Variants in GNPAT observed in about 807,000 individuals in gnomAD.
GNPAT encodes the protein glyceronephosphate O-acyltransferase.
Under a neutral mutation model 78.4 loss-of-function variants are expected in GNPAT, and 30 were observed. The observed-to-expected ratio is 0.38, with a 90% CI of 0.29 to 0.52. The LOEUF (loss-of-function observed/expected upper bound fraction) is 0.52, where lower values mean the gene tolerates loss of function less well. GNPAT is among the 20% of genes least tolerant of loss of function. The probability of loss-of-function intolerance (pLI) is 0.84; values close to 1 mark genes in which losing one functional copy is unlikely to be tolerated. For missense variants in GNPAT, 714 were observed against 812.2 expected, an observed-to-expected ratio of 0.88 and a Z score of 1.47; for synonymous variants, 271 against 281.1, an observed-to-expected ratio of 0.96 and a Z score of 0.36.
chr1:231,265,502 T>C (rs889266842), intron 5 of GNPAT, 82 bp downstream of exon 5: 14 of 1,195,942 alleles, frequency 1.2e-5, no homozygotes, highest in Non-Finnish European at 1.6e-5. Context: ...AACTTCTGAA[T>C]AGAACACTTA....
rs1685542710 is a variant in GNPAT, at chr1:231,270,843, G to A, written c.1365G>A (p.Leu455=). The A allele has an allele frequency of 6.2e-7, 1 of 1,614,036 alleles. No individual in the cohort carries two copies. Among genetic ancestry groups the A allele is most frequent in the African/African-American group, 1.3e-5 (1 of 74,922 alleles). Residue 455 remains leucine, a synonymous_variant, in exon 10 of 16, where the codon CTG becomes CTA. Transcript: ENST00000366647. ...IASLVKDQVI[L]KVDSGDSEVV... Reference sequence around the variant, plus strand: ...GCCTTGTCAAAGACCAGGTGATTCTGAAAGTGGACTCCGGAGACTCGGAAG... The same window carrying A: ...GCCTTGTCAAAGACCAGGTGATTCTAAAAGTGGACTCCGGAGACTCGGAAG...
Position 231,265,873 on chromosome 1 carries a change from T to A in GNPAT, c.772+86T>A, listed in dbSNP as rs560927431. ...ACTTGACGCTTTATTTAACAAGATA[T>A]TCTTTTCAAGTGTAAATGTATAACT... On this transcript the variant is annotated intron_variant, in intron 6 of 15. Coordinates refer to ENST00000366647, the MANE Select transcript of GNPAT (RefSeq NM_014236.4). 4 of 1,074,418 alleles carry A rather than the reference T, an allele frequency of 3.7e-6. No homozygotes were observed. The African/African-American group carries it at 4.6e-5, about 12-fold the overall frequency. 66.6% of individuals were successfully genotyped at this position (1,074,418 alleles called of 1,614,324 possible).
Position 231,275,272 on chromosome 1 carries a change from C to A in GNPAT, c.1795C>A (p.Gln599Lys), listed in dbSNP as rs1487477220. The A allele has an allele frequency of 6.2e-7, 1 of 1,613,054 alleles. No homozygotes were observed. Among genetic ancestry groups the A allele is most frequent in the Admixed American group, 1.7e-5 (1 of 59,996 alleles). ...AGAAGAGGACCACTTCAGTGAGGAA[C>A]AGTACTTGGCTGCAGTCAGAAAATT... ...SEEEDHFSEE[Q>K]YLAAVRKFTS... The change falls in exon 13 of 16, where the codon CAG (glutamine) becomes AAG (lysine). Residue 599 changes from glutamine to lysine, a missense_variant. Physicochemically the swap from Gln to Lys is moderately conservative, Grantham distance 53. Transcript: ENST00000366647.
chr1:231,265,057 A>G (rs531757924), intron 4 of GNPAT, among the ~76,000 whole-genome samples: 1 of 152,300 alleles, frequency 6.6e-6, no homozygotes, highest in African/African-American at 2.4e-5. Context: ...CTTTCTTAAT[A>G]ATGTTTGAGT....
At chr1:231,266,902 T>C (rs1402682236) in intron 8 of GNPAT, among the ~76,000 whole-genome samples, 1 of 152,226 alleles carries the variant, frequency 6.6e-6, no homozygotes, top group Non-Finnish European at 1.5e-5. Context: ...GTTTTCTTAA[T>C]TAGGAGAAAT....
chr1:231,266,903 T>C (rs1329757449), intron 8 of GNPAT, among the ~76,000 whole-genome samples: 1 of 152,228 alleles, frequency 6.6e-6, no homozygotes, highest in African/African-American at 2.4e-5. Flanking sequence ...TTTTCTTAAT[T>C]AGGAGAAATA....
At chr1:231,276,929 A>G (rs1278143185) in intron 15 of GNPAT, among the ~76,000 whole-genome samples, 1 of 152,174 alleles carries the variant, frequency 6.6e-6, no homozygotes, top group Admixed American at 6.5e-5. Flanking sequence ...TTAATTCAGT[A>G]CCTCGTCAAA....
Position 231,241,421 on chromosome 1 carries a change from C to T in GNPAT, c.43C>T (p.Pro15Ser), listed in dbSNP as rs568209930. 6 of 1,613,844 alleles carry T rather than the reference C, an allele frequency of 3.7e-6. No homozygotes were observed. The highest frequency in any genetic ancestry group is 3.3e-5 in the Admixed American group (2 of 60,028). Residue 15 changes from proline (P) to serine (S), a missense_variant, in exon 1 of 16, where the codon CCA (proline) becomes TCA (serine). Coordinates refer to ENST00000366647, the MANE Select transcript of GNPAT (RefSeq NM_014236.4). The stretch of plus-strand genomic sequence containing the variant: ...ATCTAACTCTTATTTCTCCGTTGGC[C>T]CAACCAGTCCCAGCGCTGTCGTGCT... The part of the protein sequence containing the change: ...SSSNSYFSVG[P>S]TSPSAVVLLY...
At chr1:231,243,379 A>G (rs1358871846) in intron 1 of GNPAT, among the ~76,000 whole-genome samples, 1 of 152,192 alleles carries the variant, frequency 6.6e-6, no homozygotes, top group Non-Finnish European at 1.5e-5. Flanking sequence ...GCTGGAGAAC[A>G]GTGGCTCGAT....
intron 2 of GNPAT, among the ~76,000 whole-genome samples, chr1:231,254,501 G>C (rs2102805923): frequency 6.6e-6 from 1 of 152,076 alleles, no homozygotes; most frequent in South Asian, 2.1e-4. Flanking sequence ...GAGGGCAGTG[G>C]CGCGATCTCG....
intron 2 of GNPAT, among the ~76,000 whole-genome samples, chr1:231,253,882 A>T (rs1258060004): frequency 6.6e-6 from 1 of 152,242 alleles, no homozygotes; most frequent in Non-Finnish European, 1.5e-5. Flanking sequence ...CCATGGTCCC[A>T]TCTACAGAGA....
intron 1 of GNPAT, among the ~76,000 whole-genome samples, chr1:231,250,588 T>G (rs1227913599): frequency 1.3e-5 from 2 of 152,198 alleles, no homozygotes; most frequent in East Asian, 3.8e-4. Flanking sequence ...TTAATGTAAT[T>G]TTTAAAGCTA....
intron 9 of GNPAT, chr1:231,270,173 G>A (rs555714455): frequency 6.4e-6 from 1 of 156,698 alleles, no homozygotes; most frequent in African/African-American, 2.4e-5. Context: ...CTACCTGCCT[G>A]GCAGCTGTCT....
At chr1:231,270,520 A>C (rs2102822919) in intron 9 of GNPAT, among the ~76,000 whole-genome samples, 1 of 152,260 alleles carries the variant, frequency 6.6e-6, no homozygotes, top group East Asian at 1.9e-4. Flanking sequence ...TGGCTGACAA[A>C]TTTTGGGGGT....
chr1:231,251,859 T>C (rs536402027), intron 2 of GNPAT, among the ~76,000 whole-genome samples: 1 of 152,362 alleles, frequency 6.6e-6, no homozygotes, highest in Non-Finnish European at 1.5e-5. Context: ...ACAACAGTGG[T>C]TCTCAACACT....
intron 9 of GNPAT, among the ~76,000 whole-genome samples, chr1:231,269,468 A>G (rs185989904): frequency 1.3e-3 from 202 of 152,312 alleles, no homozygotes; most frequent in African/African-American, 4.5e-3. Context: ...CTCTGTCCCA[A>G]TGAGAAATGC....
Position 231,275,229 on chromosome 1 carries a change from C to T in GNPAT, c.1752C>T (p.Cys584=), listed in dbSNP as rs775776447. The T allele has an allele frequency of 1.3e-6, 2 of 1,594,828 alleles. No individual in the cohort carries two copies. The highest frequency in any genetic ancestry group is 1.7e-6 in the Non-Finnish European group (2 of 1,162,360). Reference sequence around the variant, plus strand: ...CTTCCTCTTAAAATCAGATAATTTGCAAGTACCTTTTGAGTGAAGAAGAGG... The same window carrying T: ...CTTCCTCTTAAAATCAGATAATTTGTAAGTACCTTTTGAGTGAAGAAGAGG... ...KPFVESYQII[C]KYLLSEEEDH... The change falls in exon 13 of 16, where the codon TGC becomes TGT. Residue 584 remains cysteine (C), a synonymous_variant. Transcript: ENST00000366647.
chr1:231,260,369 G>A (rs893769036), intron 2 of GNPAT, 138 bp from the exon 3 acceptor site: 1 of 589,730 alleles, frequency 1.7e-6, no homozygotes, highest in African/African-American at 2.9e-5. Flanking sequence ...GTGTTGGGAA[G>A]TTGTCAATTA....
At chr1:231,250,493 G>A (rs1301766359) in intron 1 of GNPAT, among the ~76,000 whole-genome samples, 2 of 152,108 alleles carry the variant, frequency 1.3e-5, no homozygotes, top group Non-Finnish European at 1.5e-5. Context: ...TTATTGGAGC[G>A]CTTGTTTCTT....
Sources: allele counts gnomAD v4.1 joint callset (sites outside exome capture counted in the v4.1 genomes callset), GRCh38; gene constraint gnomAD v4.1.1; transcripts MANE v1.5; gene names NCBI Gene and HGNC (gene_info 2026-07-23, HGNC 2026-07-21).